NPSR1: variants seen among roughly 807,000 people sequenced by gnomAD.
The protein encoded by NPSR1 is neuropeptide S receptor 1, also known as neuropeptide S receptor.
In NPSR1, 48 loss-of-function variants were observed where a neutral mutation model predicts 46.9. That is an observed-to-expected ratio of 1.02 (90% CI 0.81 to 1.30). NPSR1 has a LOEUF of 1.30. NPSR1 is among the 50% of genes most tolerant of loss of function. The probability of loss-of-function intolerance (pLI) is 0.00; values close to 1 mark genes in which losing one functional copy is unlikely to be tolerated. For missense variants in NPSR1, 450 were observed against 449.5 expected, an observed-to-expected ratio of 1.00 and a Z score of -0.01; for synonymous variants, 176 against 168.1, an observed-to-expected ratio of 1.05 and a Z score of -0.36.
At position 34,869,584 on chromosome 7, in the gene NPSR1, C is replaced by T. The variant is rs147432015; in HGVS notation, c.1026-8492C>T. On this transcript the variant is annotated intron_variant, in intron 8 of 8. Coordinates refer to the NPSR1 transcript ENST00000359791. Reference sequence around the variant, plus strand: ...CCCTCCTTACCTCTAGCAATGTTCCCGGACTTCCTATACCCTTGGGGCGAA... The same window carrying T: ...CCCTCCTTACCTCTAGCAATGTTCCTGGACTTCCTATACCCTTGGGGCGAA... Among the ~76,000 whole-genome samples the T allele has an allele frequency of 1.3e-3, 198 of 151,806 alleles. 10 individuals carry two copies. Among genetic ancestry groups the T allele is most frequent in the African/African-American group, 4.2e-3 (172 of 41,090 alleles).
rs1792822577 is a variant in NPSR1 at position 34,684,495 on chromosome 7, G to A, written c.148-57G>A. The A allele has an allele frequency of 7.6e-6, 12 of 1,574,366 alleles. No homozygotes were observed. The South Asian group carries it at 1.1e-4, about 14-fold the overall frequency. ...AAATCCAGCCTGGGGCAGGCATTCTGTAAAGAACTCCAGTTCTCACTGGTA... is the reference window on the plus strand; with the variant it reads ...AAATCCAGCCTGGGGCAGGCATTCTATAAAGAACTCCAGTTCTCACTGGTA... On this transcript the variant is annotated intron_variant, in intron 1 of 8. Transcript: ENST00000360581.
At chr7:34,834,873 C>T (rs903716415) in intron 6 of NPSR1, among the ~76,000 whole-genome samples, 3 of 152,230 alleles carry the variant, frequency 2.0e-5, no homozygotes, top group African/African-American at 7.2e-5. Context: ...ATACATAAAG[C>T]TGCCATCTGT....
At chr7:34,770,844 G>C (rs1321652453) in intron 2 of NPSR1, among the ~76,000 whole-genome samples, 1 of 152,168 alleles carries the variant, frequency 6.6e-6, no homozygotes, top group African/African-American at 2.4e-5. Flanking sequence ...AGAAAGTTCA[G>C]TGTCTGGTTA....
At chr7:34,833,862 G>A (rs1369707670) in intron 5 of NPSR1, among the ~76,000 whole-genome samples, 2 of 152,148 alleles carry the variant, frequency 1.3e-5, no homozygotes, top group Non-Finnish European at 2.9e-5. Flanking sequence ...AATGCATAGA[G>A]ACACCAACAA....
chr7:34,773,589 C>A (rs932773710), intron 2 of NPSR1, among the ~76,000 whole-genome samples: 2 of 152,170 alleles, frequency 1.3e-5, no homozygotes, highest in Non-Finnish European at 1.5e-5. Flanking sequence ...CAACTTGCCA[C>A]AAATCAACCA....
intron 3 of NPSR1, among the ~76,000 whole-genome samples, chr7:34,782,909 A>G (rs1787295912): frequency 6.6e-6 from 1 of 152,138 alleles, no homozygotes; most frequent in South Asian, 2.1e-4. Context: ...GTACAACCAA[A>G]ACAAAGAATT....
intron 2 of NPSR1, among the ~76,000 whole-genome samples, chr7:34,749,105 T>C (rs1262575343): frequency 6.6e-6 from 1 of 151,600 alleles, no homozygotes. Context: ...TGGTCTCTTC[T>C]CCCAAATAAA....
intron 4 of NPSR1, among the ~76,000 whole-genome samples, chr7:34,824,393 G>A (rs556485833): frequency 2.6e-5 from 4 of 152,264 alleles, no homozygotes; most frequent in Admixed American, 6.5e-5. Context: ...TACCTTATAT[G>A]CAAACCTGCA....
At chr7:34,741,271 C>G (rs1239962028) in intron 2 of NPSR1, among the ~76,000 whole-genome samples, 1 of 152,108 alleles carries the variant, frequency 6.6e-6, no homozygotes, top group Non-Finnish European at 1.5e-5. Context: ...CTTTCTGTCC[C>G]TTTATCTCTC....
At chr7:34,791,034 A>ATTG in intron 3 of NPSR1, among the ~76,000 whole-genome samples, 2 of 121,546 alleles carry the variant, frequency 1.6e-5, no homozygotes, top group African/African-American at 3.5e-5. Context: ...TATATGTTAT[A>ATTG]TATTATATTA....
intron 3 of NPSR1, chr7:34,779,717 T>C: frequency 4.6e-6 from 2 of 438,588 alleles, no homozygotes; most frequent in Non-Finnish European, 7.3e-6. Flanking sequence ...AATTTCTTTC[T>C]GAGGATATTT....
rs1792636081 is a variant in NPSR1 at position 34,681,564 on chromosome 7, G to A, written c.148-2988G>A. Among the ~76,000 whole-genome samples, 5 of 152,316 alleles carry A rather than the reference G, an allele frequency of 3.3e-5. No individual in the cohort carries two copies. In the South Asian group the frequency reaches 1.0e-3, roughly 32 times the overall value. On this transcript the variant is annotated intron_variant, in intron 1 of 8. Coordinates refer to ENST00000360581, the MANE Select transcript of NPSR1 (RefSeq NM_207172.2). ...CACCTCTTTTCCAGCTGGATAGTGTGCTGAAACACTTCCTCAGCCTCCTAG... is the reference window on the plus strand; with the variant it reads ...CACCTCTTTTCCAGCTGGATAGTGTACTGAAACACTTCCTCAGCCTCCTAG...
chr7:34,867,095 C>G (rs768382360), intron 8 of NPSR1, among the ~76,000 whole-genome samples: 6 of 151,496 alleles, frequency 4.0e-5, no homozygotes, highest in Non-Finnish European at 8.8e-5. Context: ...GCACAAGTAC[C>G]CATAAACATG....
chr7:34,867,890 A>G (rs1396169882), intron 8 of NPSR1, among the ~76,000 whole-genome samples: 1 of 151,838 alleles, frequency 6.6e-6, no homozygotes, highest in African/African-American at 2.4e-5. Context: ...ATAAAGTAAT[A>G]AGGTATGCCT....
chr7:34,856,911 G>T (rs1010613401), intron 8 of NPSR1, among the ~76,000 whole-genome samples: 1 of 150,028 alleles, frequency 6.7e-6, no homozygotes, highest in African/African-American at 2.5e-5. Context: ...TTATGTAGAT[G>T]GGGGGGGAAA....
At chr7:34,771,806 G>C (rs969230963) in intron 2 of NPSR1, among the ~76,000 whole-genome samples, 19 of 152,086 alleles carry the variant, frequency 1.2e-4, no homozygotes, top group African/African-American at 4.3e-4. Flanking sequence ...CTATAAAATG[G>C]AGATTTTATC....
intron 4 of NPSR1, among the ~76,000 whole-genome samples, chr7:34,813,328 A>C (rs1474455424): frequency 6.6e-6 from 1 of 152,220 alleles, no homozygotes; most frequent in Admixed American, 6.5e-5. Flanking sequence ...GGTGGGCTCT[A>C]TTATTATCTG....
At chr7:34,841,264 G>T (rs944479749) in intron 6 of NPSR1, among the ~76,000 whole-genome samples, 1 of 152,176 alleles carries the variant, frequency 6.6e-6, no homozygotes, top group African/African-American at 2.4e-5. Context: ...GAAATCCCAA[G>T]GTACCAATTG....
intron 3 of NPSR1, 82 bp downstream of exon 3, chr7:34,778,647 A>G: frequency 1.1e-6 from 1 of 892,516 alleles, no homozygotes. Flanking sequence ...ATCATATAAA[A>G]CCTTGCATTC....
Sources: allele counts gnomAD v4.1 joint callset (sites outside exome capture counted in the v4.1 genomes callset), GRCh38; gene constraint gnomAD v4.1.1; transcripts MANE v1.5; gene names NCBI Gene and HGNC (gene_info 2026-07-23, HGNC 2026-07-21).